ECE1: variants seen among roughly 807,000 people sequenced by gnomAD.
The protein encoded by ECE1 is endothelin-converting enzyme 1.
A neutral mutation model predicts 98.6 loss-of-function variants in ECE1; 35 were observed. The observed-to-expected ratio is 0.35, with a 90% CI of 0.27 to 0.47. The LOEUF is 0.47. ECE1 is among the 20% of genes least tolerant of loss of function. The probability of loss-of-function intolerance (pLI) is 1.00; values close to 1 mark genes in which losing one functional copy is unlikely to be tolerated. For missense variants in ECE1, 814 were observed against 1,025.3 expected, an observed-to-expected ratio of 0.79 and a Z score of 2.81; for synonymous variants, 394 against 407.1, an observed-to-expected ratio of 0.97 and a Z score of 0.39.
upstream of ECE1, among the ~76,000 whole-genome samples, chr1:21,290,665 C>T (rs955453706): frequency 6.6e-6 from 1 of 152,218 alleles, no homozygotes; most frequent in African/African-American, 2.4e-5. This position sits in a 1 kb window ranked among gnomAD's most constrained non-coding sequence, Gnocchi z 7.3. Context: ...CTCACAGTGA[C>T]CCCTCCTTCG....
intron 1 of ECE1, among the ~76,000 whole-genome samples, chr1:21,316,261 G>GT (rs1638830125): frequency 6.6e-6 from 1 of 152,084 alleles, no homozygotes; most frequent in African/African-American, 2.4e-5. Flanking sequence ...TCTGATTCTA[G>GT]TTTTTTGTTT....
chr1:21,268,915 C>T (rs2098237156), intron 4 of ECE1, among the ~76,000 whole-genome samples: 1 of 152,246 alleles, frequency 6.6e-6, no homozygotes, highest in Non-Finnish European at 1.5e-5. Context: ...CATTTCCAGA[C>T]TAGTTCCGAG....
rs1639376991 is a variant in ECE1, at chr1:21,340,380, G to A, written c.3+4996C>T. ...TGCCAGGGGCGTGGTTTGGGCTAGA[G>A]GAGGACTGGATGGTGCCTGCAGCAC... is the stretch of plus-strand genomic sequence containing the variant. On this transcript the variant is annotated intron_variant, in intron 1 of 18. Transcript: ENST00000415912. This position sits in a 1 kb window ranked among gnomAD's most constrained non-coding sequence, Gnocchi z 4.6. Among the ~76,000 whole-genome samples the A allele has an allele frequency of 1.3e-5, 2 of 152,376 alleles. No homozygotes were observed. Among genetic ancestry groups the A allele is most frequent in the South Asian group, 4.1e-4 (2 of 4,832 alleles).
intron 11 of ECE1, among the ~76,000 whole-genome samples, chr1:21,237,145 G>T (rs1304157611): frequency 1.3e-5 from 2 of 152,112 alleles, no homozygotes; most frequent in Non-Finnish European, 2.9e-5. Context: ...GGTAATAATA[G>T]GCACCGTGAT....
intron 4 of ECE1, among the ~76,000 whole-genome samples, chr1:21,262,829 C>G (rs1573984438): frequency 6.6e-6 from 1 of 152,234 alleles, no homozygotes; most frequent in South Asian, 2.1e-4. Context: ...TGGCCCCCAC[C>G]ACCTGGGTGC....
chr1:21,282,289 CAAAA>C (rs1038742722), intron 2 of ECE1, among the ~76,000 whole-genome samples: 33 of 149,202 alleles, frequency 2.2e-4, no homozygotes. Context: ...GACCCTATCT[CAAAA>C]AAGTAAAAAA....
chr1:21,282,458 C>T (rs972886794), intron 2 of ECE1, among the ~76,000 whole-genome samples: 14 of 149,376 alleles, frequency 9.4e-5, no homozygotes, highest in African/African-American at 3.0e-4. Context: ...CATGGTGGCT[C>T]ATGCCTGTAA....
Position 21,272,865 on chromosome 1 carries a change from G to A in ECE1, c.327C>T (p.Ser109=). ...TGGGGTCCATGGAGCTCAAGATGGA[G>A]CTGGTCACTGAGACACAAGCTTCGC... The part of the protein sequence containing the change: ...CLSEACVSVT[S]SILSSMDPTV... The change falls in exon 4 of 19, where the codon AGC becomes AGT. Residue 109 remains serine, a synonymous_variant. Coordinates refer to ENST00000374893, the MANE Select transcript of ECE1 (RefSeq NM_001397.3). 6.2e-7 allele frequency: 1 copy of A among 1,614,272 alleles called. No homozygotes were observed. The highest frequency in any genetic ancestry group is 8.5e-7 in the Non-Finnish European group (1 of 1,180,046).
chr1:21,295,886 C>T (rs1375088925), intron 1 of ECE1, among the ~76,000 whole-genome samples: 1 of 152,214 alleles, frequency 6.6e-6, no homozygotes, highest in Non-Finnish European at 1.5e-5. Flanking sequence ...TGTTTTCACC[C>T]TCAGGTCTCA....
At chr1:21,265,160 A>G (rs774666732) in intron 4 of ECE1, among the ~76,000 whole-genome samples, 1 of 152,236 alleles carries the variant, frequency 6.6e-6, no homozygotes, top group Non-Finnish European at 1.5e-5. Context: ...TGGCACACAG[A>G]AAGTGTCTGA....
At chr1:21,344,582 A>C (rs879645294) in intron 1 of ECE1, among the ~76,000 whole-genome samples, 1 of 149,194 alleles carries the variant, frequency 6.7e-6, no homozygotes, top group Non-Finnish European at 1.5e-5. Flanking sequence ...GCCCCCCCCC[A>C]GGAAGCCCAG....
intron 1 of ECE1, chr1:21,298,861 T>C: frequency 2.2e-6 from 1 of 456,194 alleles, no homozygotes; most frequent in Non-Finnish European, 4.4e-6. Flanking sequence ...CAGCTGGGTT[T>C]AAGGGGCTGA....
At chr1:21,320,330 G>A (rs969372772) in intron 1 of ECE1, among the ~76,000 whole-genome samples, 1 of 152,216 alleles carries the variant, frequency 6.6e-6, no homozygotes, top group Non-Finnish European at 1.5e-5. Context: ...ACCCCACAGA[G>A]GACTGCTACG....
chr1:21,282,356 G>A (rs2098255574), intron 2 of ECE1, among the ~76,000 whole-genome samples: 1 of 151,856 alleles, frequency 6.6e-6, no homozygotes, highest in Admixed American at 6.6e-5. Flanking sequence ...GGGAGGGTGA[G>A]GTGGGCGGAT....
At chr1:21,264,237 TG>T (rs1048273966) in intron 4 of ECE1, among the ~76,000 whole-genome samples, 12 of 151,922 alleles carry the variant, frequency 7.9e-5, no homozygotes, top group Middle Eastern at 6.8e-3. Flanking sequence ...AGGGGAGCCC[TG>T]GTCTGGGGAG....
At position 21,311,509 on chromosome 1, in the gene ECE1, C is replaced by CAAAAAAA. The variant is rs397979522; in HGVS notation, c.4-21360_4-21354dup. Among the ~76,000 whole-genome samples the CAAAAAAA allele has an allele frequency of 5.8e-4, 43 of 74,294 alleles. 2 individuals carry two copies. The highest frequency in any genetic ancestry group is 1.6e-3 in the African/African-American group (30 of 18,310). The allele number at this position is 74,294 out of a possible 152,430, so 48.7% of individuals were successfully genotyped here. Reference sequence around the variant, plus strand: ...GGAACATAGTGAGACCCTGTCTCCACAAAAAAAAAAAAAAAAAAAAATTAG... The same window carrying CAAAAAAA: ...GGAACATAGTGAGACCCTGTCTCCACAAAAAAAAAAAAAAAAAAAAAAAAAAAATTAG... On this transcript the variant is annotated intron_variant, in intron 1 of 18. Coordinates refer to the ECE1 transcript ENST00000415912.
Position 21,290,128 on chromosome 1 carries a change from T to C in ECE1, c.80A>G (p.Asp27Gly). The C allele has an allele frequency of 6.4e-7, 1 of 1,562,832 alleles. No individual in the cohort carries two copies. The highest frequency in any genetic ancestry group is 1.2e-5 in the South Asian group (1 of 85,198). The change falls in exon 2 of 19, where the codon GAC becomes GGC. Residue 27 changes from aspartate to glycine, a missense_variant. Coordinates refer to ENST00000374893, the MANE Select transcript of ECE1 (RefSeq NM_001397.3). The surrounding 1 kb of genome is among the most constrained non-coding windows in gnomAD (Gnocchi z 7.3). Reference sequence around the variant, plus strand: ...GAGCGAGTCCACCAGGTCCTCCTCGTCCAGCGTGGCCCGCTTGTACGTCGA... The same window carrying C: ...GAGCGAGTCCACCAGGTCCTCCTCGCCCAGCGTGGCCCGCTTGTACGTCGA... ...GMSTYKRATL[D>G]EEDLVDSLSE...
intron 1 of ECE1, among the ~76,000 whole-genome samples, chr1:21,320,767 C>T (rs989111130): frequency 6.6e-6 from 1 of 152,232 alleles, no homozygotes; most frequent in African/African-American, 2.4e-5. Flanking sequence ...TCTTCCCCAC[C>T]CTTCCTTCAT....
At chr1:21,332,828 C>A (rs1426240383) in intron 1 of ECE1, among the ~76,000 whole-genome samples, 1 of 48,916 alleles carries the variant, frequency 2.0e-5, no homozygotes. Context: ...AAGGGGGCTG[C>A]GGGAACACAG....
Sources: gnomAD v4.1 joint callset for allele counts (sites outside exome capture counted in the v4.1 genomes callset) on GRCh38, gnomAD v4.1.1 for gene constraint, Gnocchi (gnomAD v3.1) non-coding constraint, MANE v1.5 for transcripts, NCBI Gene and HGNC (gene_info 2026-07-23, HGNC 2026-07-21) for gene names.